PPM1A: variants seen among roughly 807,000 people sequenced by gnomAD.
The protein encoded by PPM1A is protein phosphatase, Mg2+/Mn2+ dependent 1A.
In PPM1A, 7 loss-of-function variants were observed where a neutral mutation model predicts 35.0. That is an observed-to-expected ratio of 0.20 (90% CI 0.11 to 0.38). The LOEUF is 0.38. Among genes scored for constraint, PPM1A ranks in the 10% least tolerant of loss-of-function variants. PPM1A has a pLI of 1.00. For missense variants in PPM1A, 239 were observed against 467.8 expected, an observed-to-expected ratio of 0.51 and a Z score of 4.51; for synonymous variants, 153 against 167.3, an observed-to-expected ratio of 0.91 and a Z score of 0.66.
chr14:60,283,075 A>T lies in PPM1A; in HGVS notation c.372A>T (p.Arg124Ser), dbSNP rs1886584884. ...VMSEKKHGAD[R>S]SGSTAVGVLI... Reference sequence around the variant, plus strand: ...CAGAGAAGAAACATGGTGCAGATAGAAGTGGGTCAACAGCTGTAGGTGTCT... The same window carrying T: ...CAGAGAAGAAACATGGTGCAGATAGTAGTGGGTCAACAGCTGTAGGTGTCT... Residue 124 changes from arginine to serine, a missense_variant, in exon 2 of 6, where the codon AGA (arginine) becomes AGT (serine). This residue lies in a region of PPM1A where 175 missense variants were observed against 389.2 expected (regional missense o/e 0.45). Coordinates refer to ENST00000395076, the MANE Select transcript of PPM1A (RefSeq NM_021003.5). This position sits in a 1 kb window ranked among gnomAD's most constrained non-coding sequence, Gnocchi z 6.3. 1 of 1,614,130 alleles carries T rather than the reference A, an allele frequency of 6.2e-7. No homozygotes were observed. The highest frequency in any genetic ancestry group is 8.5e-7 in the Non-Finnish European group (1 of 1,180,050).
rs1346221132 is a variant in PPM1A at position 60,298,535 on chromosome 14, T to A, written c.*6053T>A. 1 of 151,774 alleles carries A rather than the reference T, an allele frequency of 6.6e-6. No homozygotes were observed. The highest frequency in any genetic ancestry group is 2.4e-5 in the African/African-American group (1 of 41,414). 9.4% of individuals were successfully genotyped at this position (151,774 alleles called of 1,614,324 possible). A position where few individuals can be genotyped will look rare whatever the true frequency, so the allele number is the denominator to read the frequency against. ...TAATGACAGCTTATTTAATTCCCAT[T>A]TGTGGGACTTCTGGAACATAGAAAC... On this transcript the variant is annotated 3_prime_UTR_variant, in exon 6 of 6. Transcript: ENST00000395076.
rs567480402 is a variant in PPM1A at position 60,295,929 on chromosome 14, C to G, written c.*3447C>G. ...AAGAGTAATTCAGAAGAAAATTTTG[C>G]TTAGCATAAGAATAAAATTGGACTG... On this transcript the variant is annotated 3_prime_UTR_variant, in exon 6 of 6. Coordinates refer to ENST00000395076, the MANE Select transcript of PPM1A (RefSeq NM_021003.5). The G allele has an allele frequency of 6.6e-6, 1 of 151,554 alleles. No individual in the cohort carries two copies. Among genetic ancestry groups the G allele is most frequent in the East Asian group, 1.9e-4 (1 of 5,192 alleles). The allele number at this position is 151,554 out of a possible 1,614,324, so 9.4% of individuals were successfully genotyped here.
At chr14:60,268,587 T>G (rs757489835) in intron 1 of PPM1A, among the ~76,000 whole-genome samples, 4 of 152,002 alleles carry the variant, frequency 2.6e-5, no homozygotes, top group African/African-American at 9.7e-5. Flanking sequence ...TATGTGTGTG[T>G]GGTTCATTTT....
chr14:60,252,457 G>A (rs934915603), intron 1 of PPM1A, among the ~76,000 whole-genome samples: 2 of 152,110 alleles, frequency 1.3e-5, no homozygotes, highest in African/African-American at 2.4e-5. Context: ...AATTGGCCAC[G>A]GCAGGGTTTT....
intron 2 of PPM1A, among the ~76,000 whole-genome samples, chr14:60,285,417 A>G (rs1200267295): frequency 6.6e-6 from 1 of 152,214 alleles, no homozygotes; most frequent in Non-Finnish European, 1.5e-5. Context: ...AGTATTGGTT[A>G]TACTGTATTC....
At chr14:60,285,293 A>G (rs1957158907) in intron 2 of PPM1A, among the ~76,000 whole-genome samples, 1 of 152,258 alleles carries the variant, frequency 6.6e-6, no homozygotes, top group Admixed American at 6.5e-5. Flanking sequence ...TGTATTAGGT[A>G]TCACTTCAAA....
chr14:60,286,781 G>A (rs917662468), intron 3 of PPM1A: 1 of 979,642 alleles, frequency 1.0e-6, no homozygotes, highest in African/African-American at 1.8e-5. Flanking sequence ...CTACTATTTT[G>A]TTTTTATTGC....
chr14:60,270,395 A>G (rs1884941409), intron 1 of PPM1A, among the ~76,000 whole-genome samples: 1 of 152,132 alleles, frequency 6.6e-6, no homozygotes, highest in South Asian at 2.1e-4. Flanking sequence ...AGACTGTGAC[A>G]TCATGTTCTT....
At chr14:60,265,647 A>G (rs1884286708) in intron 1 of PPM1A, among the ~76,000 whole-genome samples, 1 of 152,312 alleles carries the variant, frequency 6.6e-6, no homozygotes, top group Non-Finnish European at 1.5e-5. Flanking sequence ...CAGACTGGGT[A>G]ATTTATTAAT....
chr14:60,276,930 T>C (rs1281262361), intron 1 of PPM1A: 1 of 640,418 alleles, frequency 1.6e-6, no homozygotes, highest in Non-Finnish European at 2.1e-6. Flanking sequence ...TTAGTTTGGT[T>C]TTTAAAAGGT....
chr14:60,282,843 C>G lies in PPM1A; in HGVS notation c.140C>G (p.Pro47Arg). 1 of 1,614,184 alleles carries G rather than the reference C, an allele frequency of 6.2e-7. No homozygotes were observed. The highest frequency in any genetic ancestry group is 1.7e-5 in the Admixed American group (1 of 60,022). The change falls in exon 2 of 6, where the codon CCA becomes CGA. Residue 47 changes from proline to arginine, a missense_variant. Physicochemically the swap from Pro to Arg is moderately radical, Grantham distance 103. Transcript: ENST00000395076. The surrounding 1 kb of genome is among the most constrained non-coding windows in gnomAD (Gnocchi z 5.1). ...GCACATACGGCTGTGATCGGTTTGC[C>G]AAGTGGACTTGAATCGTGGTCATTC... is the stretch of plus-strand genomic sequence containing the variant. Reference protein sequence around the residue: ...EDAHTAVIGLPSGLESWSFFA... With the variant: ...EDAHTAVIGLRSGLESWSFFA...
chr14:60,263,006 C>T (rs1027116613), intron 1 of PPM1A, among the ~76,000 whole-genome samples: 1 of 152,112 alleles, frequency 6.6e-6, no homozygotes, highest in African/African-American at 2.4e-5. Context: ...GTGGGCAGAT[C>T]AGGAGTTCAA....
At chr14:60,290,737 A>G (rs1459606209) in intron 4 of PPM1A, among the ~76,000 whole-genome samples, 2 of 152,084 alleles carry the variant, frequency 1.3e-5, no homozygotes, top group East Asian at 1.9e-4. Context: ...ATCACTAAAT[A>G]GTGATTGTAA....
intron 1 of PPM1A, chr14:60,276,946 A>G (rs1885834670): frequency 1.3e-6 from 1 of 791,244 alleles, no homozygotes; most frequent in Non-Finnish European, 1.6e-6. Flanking sequence ...AAGGTACAAA[A>G]TGTTCATGAA....
chr14:60,286,631 A>G, intron 3 of PPM1A: 1 of 985,228 alleles, frequency 1.0e-6, no homozygotes, highest in Non-Finnish European at 1.2e-6. Context: ...TTGACCTACC[A>G]CACCTACATC....
At chr14:60,245,803 A>AC (rs1319770560), upstream of PPM1A, 1 of 1,511,442 alleles carries the variant, frequency 6.6e-7, no homozygotes, top group Admixed American at 2.3e-5. This position sits in a 1 kb window ranked among gnomAD's most constrained non-coding sequence, Gnocchi z 4.2. Context: ...TAGGGGGCAC[A>AC]CCCTCTCCCT....
rs1161674806 is a variant in PPM1A at position 60,298,199 on chromosome 14, A to G, written c.*5717A>G. ...TTCAACAGAAAAGAGGTAAAACAGA[A>G]ATGGAATGTATCTGGAACATTTTTG... is the stretch of plus-strand genomic sequence containing the variant. On this transcript the variant is annotated 3_prime_UTR_variant, in exon 6 of 6. Transcript: ENST00000395076. The G allele has an allele frequency of 6.6e-6, 1 of 151,734 alleles. No individual in the cohort carries two copies. Among genetic ancestry groups the G allele is most frequent in the African/African-American group, 2.4e-5 (1 of 41,418 alleles). 9.4% of individuals were successfully genotyped at this position (151,734 alleles called of 1,614,324 possible). A position where few individuals can be genotyped will look rare whatever the true frequency, so the allele number is the denominator to read the frequency against.
In PPM1A at chr14:60,295,251, A is replaced by T. The variant is rs779694081; in HGVS notation, c.*2769A>T. The T allele has an allele frequency of 1.9e-4, 29 of 151,712 alleles. No homozygotes were observed. The highest frequency in any genetic ancestry group is 3.7e-4 in the Non-Finnish European group (25 of 67,736). The allele number at this position is 151,712 out of a possible 1,614,324, so 9.4% of individuals were successfully genotyped here. A position where few individuals can be genotyped will look rare whatever the true frequency, so the allele number is the denominator to read the frequency against. ...ACCCTAACATTAAAAAATTTCACTG[A>T]TCTTTCTTTCATTAACAGGGTAGAA... On this transcript the variant is annotated 3_prime_UTR_variant, in exon 6 of 6. Transcript: ENST00000395076.
chr14:60,271,337 C>CT (rs977056785), intron 1 of PPM1A, among the ~76,000 whole-genome samples: 2 of 152,142 alleles, frequency 1.3e-5, no homozygotes, highest in Admixed American at 1.3e-4. Flanking sequence ...CTGCAAAGAC[C>CT]TTTTTTTCCA....
Sources: allele counts gnomAD v4.1 joint callset (sites outside exome capture counted in the v4.1 genomes callset), GRCh38; gene constraint gnomAD v4.1.1; regional missense constraint gnomAD v4.1.1; non-coding constraint Gnocchi (gnomAD v3.1); transcripts MANE v1.5; gene names NCBI Gene and HGNC (gene_info 2026-07-23, HGNC 2026-07-21).